Variants in PKIB observed in about 807,000 individuals in gnomAD.
The protein encoded by PKIB is PKI-beta.
In PKIB, 2 loss-of-function variants were observed where a neutral mutation model predicts 4.5. That is an observed-to-expected ratio of 0.44 (90% CI 0.18 to 1.39). The LOEUF (loss-of-function observed/expected upper bound fraction) is 1.39, where lower values mean the gene tolerates loss of function less well. Ranked by LOEUF, PKIB falls within the 40% of genes most tolerant of loss-of-function variation. PKIB has a pLI of 0.27. For missense variants in PKIB, 94 were observed against 92.6 expected (o/e 1.02, Z -0.06); for synonymous variants, 38 against 36.0 (o/e 1.06, Z -0.20).
At chr6:122,719,294 G>A (rs1779625873) in intron 4 of PKIB, among the ~76,000 whole-genome samples, 1 of 152,114 alleles carries the variant, frequency 6.6e-6, no homozygotes, top group South Asian at 2.1e-4. Flanking sequence ...AGAGAGACTA[G>A]GATCTGAAAG....
chr6:122,550,961 G>A (rs922014747), intron 2 of PKIB, among the ~76,000 whole-genome samples: 5 of 152,272 alleles, frequency 3.3e-5, no homozygotes, highest in African/African-American at 1.2e-4. Flanking sequence ...AGTCGTGAAG[G>A]TGTTTCTTCA....
intron 1 of PKIB, among the ~76,000 whole-genome samples, chr6:122,627,059 C>A (rs2114806645): frequency 7.4e-6 from 1 of 135,944 alleles, no homozygotes; most frequent in African/African-American, 2.8e-5. Context: ...ACGGTGAAAC[C>A]CCGTCTCTAC....
At chr6:122,662,402 G>A (rs1777044243) in intron 2 of PKIB, among the ~76,000 whole-genome samples, 1 of 131,188 alleles carries the variant, frequency 7.6e-6, no homozygotes, top group Admixed American at 9.1e-5. Flanking sequence ...TGCAACCTCC[G>A]CCTCCCGGGT....
intron 2 of PKIB, among the ~76,000 whole-genome samples, chr6:122,527,366 T>G (rs1384615292): frequency 2.6e-5 from 4 of 152,152 alleles, no homozygotes; most frequent in African/African-American, 7.2e-5. Flanking sequence ...AGGACCAGCT[T>G]TTGCCCTGTC....
At chr6:122,509,675 C>T (rs1424651580) in intron 2 of PKIB, among the ~76,000 whole-genome samples, 1 of 151,974 alleles carries the variant, frequency 6.6e-6, no homozygotes, top group Non-Finnish European at 1.5e-5. Context: ...TCGTGATCTG[C>T]CCACCTCGGC....
intron 2 of PKIB, among the ~76,000 whole-genome samples, chr6:122,500,820 C>G (rs1776209410): frequency 6.6e-6 from 1 of 152,168 alleles, no homozygotes; most frequent in Non-Finnish European, 1.5e-5. Context: ...GGGGAAGACT[C>G]AGGAAATTTG....
chr6:122,579,982 G>A (rs1388937312), intron 2 of PKIB, among the ~76,000 whole-genome samples: 1 of 152,026 alleles, frequency 6.6e-6, no homozygotes, highest in African/African-American at 2.4e-5. Flanking sequence ...TTAAAAATAG[G>A]TCTTAAGGTG....
chr6:122,539,761 A>G (rs1455470895), intron 2 of PKIB, among the ~76,000 whole-genome samples: 1 of 152,054 alleles, frequency 6.6e-6, no homozygotes, highest in African/African-American at 2.4e-5. Context: ...GAATGGTACC[A>G]GCTCCTCCTT....
chr6:122,725,620 T>C lies in PKIB; in HGVS notation c.*425T>C, dbSNP rs1188162884. On this transcript the variant is annotated 3_prime_UTR_variant, in exon 5 of 5. Coordinates refer to ENST00000368452, the MANE Select transcript of PKIB (RefSeq NM_181795.3). ...TGGAATTTGTAGAAAATTATGGACA[T>C]TTTTGGTGAGAAAGAACAATAGTCA... 6.5e-6 allele frequency: 1 copy of C among 154,240 alleles called. No individual in the cohort carries two copies. Among genetic ancestry groups the C allele is most frequent in the African/African-American group, 2.4e-5 (1 of 41,524 alleles). The allele number at this position is 154,240 out of a possible 1,614,324, so 9.6% of individuals were successfully genotyped here.
chr6:122,604,233 T>G (rs1490926318), intron 3 of PKIB, among the ~76,000 whole-genome samples: 1 of 152,216 alleles, frequency 6.6e-6, no homozygotes, highest in Non-Finnish European at 1.5e-5. Context: ...TGAAAAGTTT[T>G]AAGGGCATGT....
intron 3 of PKIB, among the ~76,000 whole-genome samples, chr6:122,690,240 G>A (rs890296917): frequency 2.7e-5 from 4 of 150,512 alleles, no homozygotes; most frequent in South Asian, 2.1e-4. Context: ...GGAGAATTTA[G>A]TCCATTTACA....
intron 2 of PKIB, among the ~76,000 whole-genome samples, chr6:122,530,310 A>G (rs994145311): frequency 6.6e-6 from 1 of 152,026 alleles, no homozygotes; most frequent in African/African-American, 2.4e-5. Flanking sequence ...TCCATATTCT[A>G]ATTTTGGTCA....
intron 1 of PKIB, among the ~76,000 whole-genome samples, chr6:122,618,374 C>T (rs1775078552): frequency 6.6e-6 from 1 of 152,052 alleles, no homozygotes; most frequent in African/African-American, 2.4e-5. Context: ...TTTATCATTA[C>T]ATAATAATGA....
chr6:122,492,778 T>TG (rs1775974197), intron 2 of PKIB, among the ~76,000 whole-genome samples: 1 of 151,298 alleles, frequency 6.6e-6, no homozygotes, highest in Non-Finnish European at 1.5e-5. Context: ...AGAAAGAGTT[T>TG]TTTTTTTTTT....
At chr6:122,694,922 T>A (rs1778508974) in intron 3 of PKIB, among the ~76,000 whole-genome samples, 1 of 152,190 alleles carries the variant, frequency 6.6e-6, no homozygotes, top group Admixed American at 6.5e-5. Flanking sequence ...TAGAAATGAC[T>A]AAAAGGACTG....
At chr6:122,718,087 T>C in intron 4 of PKIB, 124 bp downstream of exon 4, 1 of 979,152 alleles carries the variant, frequency 1.0e-6, no homozygotes, top group Non-Finnish European at 1.5e-6. Flanking sequence ...TACTTAAACC[T>C]CTCAGCTTTT....
At chr6:122,685,967 G>A (rs961758247) in intron 3 of PKIB, among the ~76,000 whole-genome samples, 7 of 152,236 alleles carry the variant, frequency 4.6e-5, no homozygotes, top group Admixed American at 2.0e-4. Context: ...TTCCATCCAT[G>A]TTGTTGCAAA....
chr6:122,584,875 A>G (rs937126903), intron 2 of PKIB, among the ~76,000 whole-genome samples: 2 of 152,068 alleles, frequency 1.3e-5, no homozygotes, highest in Admixed American at 6.6e-5. Flanking sequence ...TAAAACAGGG[A>G]TGGGGCAGAA....
At chr6:122,515,340 A>G (rs900308152) in intron 2 of PKIB, among the ~76,000 whole-genome samples, 2 of 152,226 alleles carry the variant, frequency 1.3e-5, no homozygotes, top group Non-Finnish European at 2.9e-5. Context: ...ACTTGCAAAG[A>G]ATGAAACATT....
Sources: gnomAD v4.1 joint callset for allele counts (sites outside exome capture counted in the v4.1 genomes callset) on GRCh38, gnomAD v4.1.1 for gene constraint, MANE v1.5 for transcripts, NCBI Gene and HGNC (gene_info 2026-07-23, HGNC 2026-07-21) for gene names.